The following AK4 variants were observed in gnomAD, a reference collection of about 807,000 sequenced individuals.
AK4 encodes adenylate kinase 4, mitochondrial.
In AK4, 13 loss-of-function variants were observed where a neutral mutation model predicts 24.6. The observed-to-expected ratio is 0.53, with a 90% CI of 0.34 to 0.84. The LOEUF is 0.84. Among genes scored for constraint, AK4 ranks in the 40% least tolerant of loss-of-function variants. The probability of loss-of-function intolerance (pLI) is 0.01; values close to 1 mark genes in which losing one functional copy is unlikely to be tolerated. For synonymous variants in AK4, 88 were observed against 107.0 expected, an observed-to-expected ratio of 0.82 and a Z score of 1.10; for missense variants, 192 against 288.2, an observed-to-expected ratio of 0.67 and a Z score of 2.42.
At chr1:65,215,475 A>AT (rs1190441014) in intron 2 of AK4, among the ~76,000 whole-genome samples, 2 of 151,912 alleles carry the variant, frequency 1.3e-5, no homozygotes, top group Admixed American at 6.6e-5. Context: ...TCCGACCCTG[A>AT]TTTTTTCTTT....
chr1:65,190,260 C>CTTT lies in AK4; in HGVS notation c.146-440_146-438dup, dbSNP rs552566388. ...TCCTGCTTTCTTGGTTTCTTTCTTT[C>CTTT]TTTTTTTTTTTTGAGACAGGGTCTC... On this transcript the variant is annotated intron_variant, in intron 1 of 4. Transcript: ENST00000327299. Among the ~76,000 whole-genome samples, 719 of 144,144 alleles carry CTTT rather than the reference C, an allele frequency of 5.0e-3. 9 individuals carry two copies. Among genetic ancestry groups the CTTT allele is most frequent in the African/African-American group, 0.017 (672 of 39,498 alleles). 94.6% of individuals were successfully genotyped at this position (144,144 alleles called of 152,430 possible). A position where few individuals can be genotyped will look rare whatever the true frequency, so the allele number is the denominator to read the frequency against.
intron 2 of AK4, among the ~76,000 whole-genome samples, 176 bp downstream of exon 2, chr1:65,191,005 TTC>T (rs1651288349): frequency 6.6e-6 from 1 of 152,256 alleles, no homozygotes. Flanking sequence ...CTCTTATTTC[TTC>T]TGTCTCCAGA....
chr1:65,213,756 C>T (rs563551078), intron 2 of AK4, among the ~76,000 whole-genome samples: 51 of 152,208 alleles, frequency 3.4e-4, no homozygotes, highest in African/African-American at 8.9e-4. Flanking sequence ...CCTCTGACCC[C>T]GAATTCCTGT....
intron 1 of AK4, chr1:65,154,433 C>T (rs968417973): frequency 1.8e-5 from 8 of 452,524 alleles, no homozygotes; most frequent in Non-Finnish European, 3.6e-5. Context: ...AGAGCACATG[C>T]ATGGGCTAGC....
At chr1:65,212,235 A>T (rs532326674) in intron 2 of AK4, among the ~76,000 whole-genome samples, 1 of 152,256 alleles carries the variant, frequency 6.6e-6, no homozygotes, top group South Asian at 2.1e-4. Flanking sequence ...TGTTATAAGG[A>T]TGCCACCATG....
chr1:65,175,386 C>A (rs963957468), intron 1 of AK4, among the ~76,000 whole-genome samples: 9 of 152,220 alleles, frequency 5.9e-5, no homozygotes, highest in African/African-American at 1.9e-4. Flanking sequence ...CTCTCATGGG[C>A]AGCAGTAGCA....
intron 1 of AK4, among the ~76,000 whole-genome samples, chr1:65,152,350 C>CTA (rs1649806579): frequency 2.7e-4 from 12 of 44,612 alleles, no homozygotes; most frequent in Admixed American, 1.2e-3. Flanking sequence ...CTCTCTCTCT[C>CTA]TCTCTCTCTC....
At chr1:65,222,326 C>G (rs370525091) in intron 3 of AK4, among the ~76,000 whole-genome samples, 1 of 152,180 alleles carries the variant, frequency 6.6e-6, no homozygotes, top group African/African-American at 2.4e-5. Flanking sequence ...GTGCAAGCTC[C>G]CAGCTTGCTT....
intron 1 of AK4, among the ~76,000 whole-genome samples, chr1:65,172,965 C>T (rs950564984): frequency 6.7e-6 from 1 of 148,690 alleles, no homozygotes; most frequent in Non-Finnish European, 1.5e-5. Flanking sequence ...CGAGTTCAAG[C>T]GATTCTCCTG....
rs1355958698 is a variant in AK4, at chr1:65,230,235, G to T, written c.*4058G>T. The T allele has an allele frequency of 2.6e-5, 4 of 152,146 alleles. No homozygotes were observed. Among genetic ancestry groups the T allele is most frequent in the Non-Finnish European group, 4.4e-5 (3 of 68,038 alleles). The allele number at this position is 152,146 out of a possible 1,614,324, so 9.4% of individuals were successfully genotyped here. On this transcript the variant is annotated 3_prime_UTR_variant, in exon 5 of 5. Transcript: ENST00000327299. ...CTTTGGTAGGGAAGGAGAAAGGTAA[G>T]AATAGCCATCAGTGAGGAAGGATTC...
chr1:65,172,096 TATATA>T (rs1650552585), intron 1 of AK4, among the ~76,000 whole-genome samples: 6 of 106,636 alleles, frequency 5.6e-5, no homozygotes, highest in African/African-American at 1.9e-4. Flanking sequence ...TATATATATA[TATATA>T]TATTTAAACT....
At chr1:65,149,204 G>T (rs371879514) in intron 1 of AK4, 1 of 152,510 alleles carries the variant, frequency 6.6e-6, no homozygotes, top group Admixed American at 6.5e-5. Flanking sequence ...CAGGAGACTC[G>T]GAGGAGACTC....
chr1:65,204,129 G>A (rs936264375), intron 2 of AK4, among the ~76,000 whole-genome samples: 1 of 151,998 alleles, frequency 6.6e-6, no homozygotes, highest in Non-Finnish European at 1.5e-5. Flanking sequence ...ACCTCTCTGT[G>A]CGCATATGTA....
At chr1:65,216,327 T>A (rs1041551157) in intron 2 of AK4, among the ~76,000 whole-genome samples, 20 of 152,034 alleles carry the variant, frequency 1.3e-4, no homozygotes, top group Non-Finnish European at 2.9e-4. Flanking sequence ...GACATGGAGT[T>A]TTGCCAGGCT....
At chr1:65,218,992 G>A in intron 3 of AK4, 66 bp downstream of exon 3, 1 of 1,327,154 alleles carries the variant, frequency 7.5e-7, no homozygotes. Context: ...ATTGAAAAGT[G>A]GAGAAAAGGA....
rs59764198 is a variant in AK4 at position 65,171,122 on chromosome 1, A to ATTT, written c.146-19571_146-19569dup. On this transcript the variant is annotated intron_variant, in intron 1 of 4. Transcript: ENST00000327299. Reference sequence around the variant, plus strand: ...AGGCACATGCCACCATGCTTGGCTAATTTTTTTTTTTTTTTTTTTGTGCAG... The same window carrying ATTT: ...AGGCACATGCCACCATGCTTGGCTAATTTTTTTTTTTTTTTTTTTTTTGTGCAG... Among the ~76,000 whole-genome samples, 339 of 122,938 alleles carry ATTT rather than the reference A, an allele frequency of 2.8e-3. 8 individuals are homozygous for ATTT. The highest frequency in any genetic ancestry group is 9.8e-3 in the African/African-American group (310 of 31,552). The allele number at this position is 122,938 out of a possible 152,430, so 80.7% of individuals were successfully genotyped here.
chr1:65,156,919 G>C (rs1162529372), intron 1 of AK4, among the ~76,000 whole-genome samples: 8 of 129,486 alleles, frequency 6.2e-5, no homozygotes, highest in Non-Finnish European at 1.2e-4. Context: ...GGGCGAGACT[G>C]TGTCTCAAAA....
At chr1:65,170,945 G>A (rs912715773) in intron 1 of AK4, among the ~76,000 whole-genome samples, 1 of 142,718 alleles carries the variant, frequency 7.0e-6, no homozygotes, top group African/African-American at 2.6e-5. Context: ...GGTTTGTCTT[G>A]TCTTCTTCCT....
chr1:65,218,327 G>A (rs1652193514), intron 2 of AK4, among the ~76,000 whole-genome samples: 1 of 152,184 alleles, frequency 6.6e-6, no homozygotes, highest in African/African-American at 2.4e-5. Flanking sequence ...TGCCTGAGGT[G>A]ACACAGGTAG....
Sources: allele counts gnomAD v4.1 joint callset (sites outside exome capture counted in the v4.1 genomes callset), GRCh38; gene constraint gnomAD v4.1.1; transcripts MANE v1.5; gene names NCBI Gene and HGNC (gene_info 2026-07-23, HGNC 2026-07-21).